CDYL2: variants seen among roughly 807,000 people sequenced by gnomAD.
CDYL2 encodes chromodomain Y-like protein 2.
In CDYL2, 23 loss-of-function variants were observed where a neutral mutation model predicts 49.4. The observed-to-expected ratio is 0.47, with a 90% CI of 0.34 to 0.66. The LOEUF is 0.66. Among genes scored for constraint, CDYL2 ranks in the 30% least tolerant of loss-of-function variants. CDYL2 has a pLI of 0.01. For missense variants in CDYL2, 678 were observed against 656.4 expected (o/e 1.03, Z -0.36); for synonymous variants, 360 against 268.8 (o/e 1.34, Z -3.32).
At chr16:80,769,453 T>C (rs1474682981) in intron 1 of CDYL2, among the ~76,000 whole-genome samples, 1 of 152,222 alleles carries the variant, frequency 6.6e-6, no homozygotes, top group Non-Finnish European at 1.5e-5. Context: ...CATCCCTTAG[T>C]GTTGGCCAAA....
chr16:80,693,282 A>G (rs533280988), intron 1 of CDYL2, among the ~76,000 whole-genome samples: 1 of 152,356 alleles, frequency 6.6e-6, no homozygotes, highest in South Asian at 2.1e-4. Flanking sequence ...TAAATAAGTT[A>G]TACCTCAATA....
At chr16:80,656,559 T>A (rs1037560143) in intron 2 of CDYL2, among the ~76,000 whole-genome samples, 3 of 152,214 alleles carry the variant, frequency 2.0e-5, no homozygotes, top group South Asian at 4.1e-4. Context: ...AAAGCCCCCA[T>A]CATGCTAGTT....
At chr16:80,776,513 T>C (rs910742619) in intron 1 of CDYL2, among the ~76,000 whole-genome samples, 27 of 151,728 alleles carry the variant, frequency 1.8e-4, no homozygotes, top group Admixed American at 7.2e-4. Context: ...AAAAGTCTAT[T>C]GATAATGGAA....
chr16:80,788,945 A>G (rs912996525), intron 1 of CDYL2, among the ~76,000 whole-genome samples: 1 of 152,206 alleles, frequency 6.6e-6, no homozygotes, highest in African/African-American at 2.4e-5. Context: ...TTCAACCATT[A>G]AAAACTGGGC....
intron 1 of CDYL2, among the ~76,000 whole-genome samples, chr16:80,796,747 T>C: frequency 6.6e-6 from 1 of 152,144 alleles, no homozygotes; most frequent in East Asian, 1.9e-4. Context: ...CACATTCACT[T>C]TCTTTTTACT....
chr16:80,775,068 T>A (rs995783380), intron 1 of CDYL2, among the ~76,000 whole-genome samples: 3 of 152,008 alleles, frequency 2.0e-5, no homozygotes, highest in Admixed American at 1.3e-4. Context: ...CTTGAACATA[T>A]AATTACATAT....
chr16:80,612,490 T>C lies in CDYL2; in HGVS notation c.1218+136A>G. 2.6e-6 allele frequency: 2 copies of C among 782,830 alleles called. No homozygotes were observed. The highest frequency in any genetic ancestry group is 4.1e-6 in the Non-Finnish European group (2 of 489,832). 48.5% of individuals were successfully genotyped at this position (782,830 alleles called of 1,614,324 possible). A position where few individuals can be genotyped will look rare whatever the true frequency, so the allele number is the denominator to read the frequency against. On this transcript the variant is annotated intron_variant, in intron 5 of 6. Transcript: ENST00000570137. The surrounding 1 kb of genome is among the most constrained non-coding windows in gnomAD (Gnocchi z 5.0). ...GCTACTCCATCTGGCACTGAAGGTG[T>C]GAAGGACATGAGGCAGCCAAGCCAA...
intron 1 of CDYL2, among the ~76,000 whole-genome samples, chr16:80,730,216 A>G (rs1176571373): frequency 2.6e-5 from 4 of 152,198 alleles, no homozygotes; most frequent in African/African-American, 4.8e-5. Flanking sequence ...AAGACTAATA[A>G]AGAAAAAAAG....
chr16:80,746,207 C>T (rs988909872), intron 1 of CDYL2, among the ~76,000 whole-genome samples: 4 of 152,138 alleles, frequency 2.6e-5, no homozygotes, highest in African/African-American at 9.7e-5. Context: ...CATGACAATC[C>T]GCAAATGATG....
intron 1 of CDYL2, among the ~76,000 whole-genome samples, chr16:80,772,497 C>T (rs1006568471): frequency 4.6e-5 from 7 of 152,164 alleles, no homozygotes; most frequent in African/African-American, 7.2e-5. Flanking sequence ...CTGTAGACCA[C>T]GCTGGAATGC....
At chr16:80,701,039 A>C (rs1468635081) in intron 1 of CDYL2, among the ~76,000 whole-genome samples, 2 of 152,226 alleles carry the variant, frequency 1.3e-5, no homozygotes, top group South Asian at 4.1e-4. Context: ...ATGAGTGAGA[A>C]ATAAACCCCT....
In CDYL2 at chr16:80,762,960, A is replaced by G. The variant is rs146052380; in HGVS notation, c.24+41190T>C. ...AATGATCCACAATATATATTTAATA[A>G]TGTGTCTTTAAAGAGAAACACACCA... On this transcript the variant is annotated intron_variant, in intron 1 of 6. Transcript: ENST00000570137. Among the ~76,000 whole-genome samples, 663 of 152,300 alleles carry G rather than the reference A, an allele frequency of 4.4e-3. 1 individual carries two copies. Among genetic ancestry groups the G allele is most frequent in the African/African-American group, 0.015 (638 of 41,558 alleles).
At chr16:80,705,510 C>T (rs968286606) in intron 1 of CDYL2, among the ~76,000 whole-genome samples, 4 of 152,266 alleles carry the variant, frequency 2.6e-5, no homozygotes, top group African/African-American at 9.6e-5. Flanking sequence ...GTAGAAGGCA[C>T]ACTGAGGGAA....
intron 2 of CDYL2, among the ~76,000 whole-genome samples, chr16:80,646,094 A>T (rs1908331816): frequency 6.6e-6 from 1 of 151,998 alleles, no homozygotes; most frequent in South Asian, 2.1e-4. Context: ...ATACATATGT[A>T]ACAAACCTGC....
rs1223890111 is a variant in CDYL2, at chr16:80,600,356, A to G, written c.*4032T>C. ...ACTTATCACAGAAATATAAAAGTTTATATTTTGAAAATATATACTGTATTA... is the reference window on the plus strand; with the variant it reads ...ACTTATCACAGAAATATAAAAGTTTGTATTTTGAAAATATATACTGTATTA... On this transcript the variant is annotated 3_prime_UTR_variant, in exon 7 of 7. Coordinates refer to ENST00000570137, the MANE Select transcript of CDYL2 (RefSeq NM_152342.4). 1 of 152,238 alleles carries G rather than the reference A, an allele frequency of 6.6e-6. No homozygotes were observed. The highest frequency in any genetic ancestry group is 2.4e-5 in the African/African-American group (1 of 41,462). 9.4% of individuals were successfully genotyped at this position (152,238 alleles called of 1,614,324 possible).
At chr16:80,773,712 G>A (rs1453498447) in intron 1 of CDYL2, among the ~76,000 whole-genome samples, 1 of 152,014 alleles carries the variant, frequency 6.6e-6, no homozygotes, top group Non-Finnish European at 1.5e-5. Context: ...GAAACTAGAA[G>A]TGTTTTAAAC....
intron 1 of CDYL2, among the ~76,000 whole-genome samples, chr16:80,691,234 G>A (rs1419631311): frequency 6.6e-6 from 1 of 152,158 alleles, no homozygotes; most frequent in African/African-American, 2.4e-5. Context: ...ACTCCCTTGG[G>A]GGCGGAAGGG....
intron 1 of CDYL2, among the ~76,000 whole-genome samples, chr16:80,706,259 T>C (rs1457216567): frequency 6.6e-6 from 1 of 152,216 alleles, no homozygotes; most frequent in East Asian, 1.9e-4. Context: ...TCTCGAGAAC[T>C]TCAACAGGTT....
intron 4 of CDYL2, among the ~76,000 whole-genome samples, chr16:80,613,336 G>T (rs1383248667): frequency 6.6e-6 from 1 of 152,148 alleles, no homozygotes; most frequent in Non-Finnish European, 1.5e-5. Context: ...CATTCCTGGA[G>T]GTATTTGCAT....
Sources: gnomAD v4.1 joint callset for allele counts (sites outside exome capture counted in the v4.1 genomes callset) on GRCh38, gnomAD v4.1.1 for gene constraint, Gnocchi (gnomAD v3.1) non-coding constraint, MANE v1.5 for transcripts, NCBI Gene and HGNC (gene_info 2026-07-23, HGNC 2026-07-21) for gene names.